The following TXNL4A variants were observed in gnomAD, a reference collection of about 807,000 sequenced individuals.
TXNL4A encodes the protein thioredoxin like 4A.
In TXNL4A, 17 loss-of-function variants were observed where a neutral mutation model predicts 14.6. The observed-to-expected ratio is 1.16, with a 90% CI of 0.80 to 1.74. TXNL4A has a LOEUF of 1.74. Ranked by LOEUF, TXNL4A falls within the 40% of genes most tolerant of loss-of-function variation. The pLI, the probability that TXNL4A is intolerant of heterozygous loss-of-function variation, is 0.00. For synonymous variants in TXNL4A, 83 were observed against 70.6 expected, an observed-to-expected ratio of 1.18 and a Z score of -0.88; for missense variants, 74 against 195.2, an observed-to-expected ratio of 0.38 and a Z score of 3.70.
intron 1 of TXNL4A, among the ~76,000 whole-genome samples, chr18:80,020,587 CTTTT>C (rs973496085): frequency 6.6e-6 from 1 of 152,174 alleles, no homozygotes; most frequent in African/African-American, 2.4e-5. Flanking sequence ...TATTCCCTTT[CTTTT>C]TGAGACATAA....
At chr18:80,024,170 G>C (rs1333532393) in intron 1 of TXNL4A, among the ~76,000 whole-genome samples, 1 of 150,650 alleles carries the variant, frequency 6.6e-6, no homozygotes, top group African/African-American at 2.4e-5. Flanking sequence ...GGGGGGGTCT[G>C]AGGTTTATTC....
intron 1 of TXNL4A, among the ~76,000 whole-genome samples, chr18:80,030,004 C>T (rs570307563): frequency 4.8e-4 from 73 of 152,292 alleles, no homozygotes; most frequent in Non-Finnish European, 9.3e-4. Flanking sequence ...CCTTCAACCC[C>T]AATGGAAGGG....
chr18:79,990,519 A>G (rs2051619883), upstream of TXNL4A, among the ~76,000 whole-genome samples: 1 of 152,188 alleles, frequency 6.6e-6, no homozygotes, highest in Non-Finnish European at 1.5e-5. Context: ...GAGAAATCTG[A>G]GCCCTTACTA....
At chr18:79,989,207 C>T (rs2051605864), upstream of TXNL4A, among the ~76,000 whole-genome samples, 1 of 152,118 alleles carries the variant, frequency 6.6e-6, no homozygotes, top group Non-Finnish European at 1.5e-5. Context: ...CTCCGCCTCC[C>T]GGGGTCAAGC....
In TXNL4A at chr18:79,988,255, G is replaced by A. The variant is rs771857627; in HGVS notation, c.138C>T (p.Tyr46=). 4.4e-6 allele frequency: 7 copies of A among 1,597,080 alleles called. No individual in the cohort carries two copies. Among genetic ancestry groups the A allele is most frequent in the South Asian group, 1.1e-5 (1 of 89,556 alleles). The change falls in exon 1 of 3, where the codon TAC becomes TAT. Residue 46 remains tyrosine, a synonymous_variant. Coordinates refer to ENST00000269601, the MANE Select transcript of TXNL4A (RefSeq NM_006701.5). ...GGCGCGCTACCTTCTCGGCGATGCT[G>A]TACAGGACCTCGTCCATCTTCATGC... ...PTCMKMDEVL[Y]SIAEKVKNFA... is the part of the protein sequence containing the mutation.
chr18:79,973,518 T>C lies in TXNL4A; in HGVS notation c.*167A>G, dbSNP rs532581068. The C allele has an allele frequency of 5.2e-6, 4 of 763,040 alleles. No individual in the cohort carries two copies. The highest frequency in any genetic ancestry group is 3.0e-5 in the East Asian group (1 of 33,870). 47.3% of individuals were successfully genotyped at this position (763,040 alleles called of 1,614,324 possible). On this transcript the variant is annotated 3_prime_UTR_variant, in exon 3 of 3. Transcript: ENST00000269601. ...GAACAAACAAGTAGGCCTGCTCCTC[T>C]CACCACGTGCTTGTTTATTTCGGTG...
At chr18:79,993,428 T>A (rs2145096736), upstream of TXNL4A, among the ~76,000 whole-genome samples, 2 of 152,372 alleles carry the variant, frequency 1.3e-5, no homozygotes, top group Middle Eastern at 3.4e-3. The surrounding 1 kb of genome is among the most constrained non-coding windows in gnomAD (Gnocchi z 4.4). Context: ...CTTGGGCTCC[T>A]ATCACTAGGT....
intron 1 of TXNL4A, among the ~76,000 whole-genome samples, chr18:80,029,108 C>T (rs1178443082): frequency 1.3e-5 from 2 of 152,178 alleles, no homozygotes; most frequent in African/African-American, 4.8e-5. Flanking sequence ...CAGGGAGACA[C>T]TTTTCTCCCG....
At chr18:80,006,609 A>C (rs1032819175) in intron 1 of TXNL4A, among the ~76,000 whole-genome samples, 2 of 152,172 alleles carry the variant, frequency 1.3e-5, no homozygotes, top group Non-Finnish European at 2.9e-5. Context: ...AAGCGGTGTC[A>C]TTTGTCTGGG....
rs1220826338 is a variant in TXNL4A at position 79,982,617 on chromosome 18, G to A, written c.154-4916C>T. Among the ~76,000 whole-genome samples the A allele has an allele frequency of 2.6e-5, 4 of 152,306 alleles. No homozygotes were observed. The East Asian group carries it at 7.7e-4, about 29-fold the overall frequency. ...GGAGCTGTGCCGAGTGCCCCAGAGAGGTTACCAGAAAGGACGATATGGGAA... is the reference window on the plus strand; with the variant it reads ...GGAGCTGTGCCGAGTGCCCCAGAGAAGTTACCAGAAAGGACGATATGGGAA... On this transcript the variant is annotated intron_variant, in intron 1 of 2. Transcript: ENST00000269601. The surrounding 1 kb of genome is among the most constrained non-coding windows in gnomAD (Gnocchi z 4.0).
intron 1 of TXNL4A, among the ~76,000 whole-genome samples, chr18:80,016,419 A>G (rs1026620953): frequency 6.6e-5 from 10 of 151,156 alleles, no homozygotes; most frequent in African/African-American, 9.7e-5. Context: ...TTGGTGTTTT[A>G]GACATGAAGT....
intron 1 of TXNL4A, among the ~76,000 whole-genome samples, chr18:79,996,533 C>T (rs2051663705): frequency 6.6e-6 from 1 of 152,158 alleles, no homozygotes; most frequent in African/African-American, 2.4e-5. Flanking sequence ...GCCCTGCAGC[C>T]CCGTCAATCT....
Position 79,998,896 on chromosome 18 carries a change from G to A in TXNL4A, c.-60-21195C>T, listed in dbSNP as rs182744490. On this transcript the variant is annotated intron_variant, in intron 1 of 2. Transcript: ENST00000585474. ...TTCTGATGACTGACTTCTCACCCCA[G>A]GACAGACCTACAAGAGATGCCACTG... Among the ~76,000 whole-genome samples the A allele has an allele frequency of 3.0e-3, 463 of 152,202 alleles. 4 individuals carry two copies. Among genetic ancestry groups the A allele is most frequent in the African/African-American group, 0.01 (418 of 41,518 alleles).
chr18:80,001,780 A>T (rs1303086778), intron 1 of TXNL4A, among the ~76,000 whole-genome samples: 2 of 152,164 alleles, frequency 1.3e-5, no homozygotes, highest in Non-Finnish European at 2.9e-5. Flanking sequence ...CCCCCATTGT[A>T]TCTAGGAAGT....
rs2051309735 is a variant in TXNL4A at position 79,972,202 on chromosome 18, T to G, written c.*1483A>C. ...CCACGTGCTTCTGCGTCCACATCTGTGTGCAGGGCAGACACTATTATCCGC... is the reference window on the plus strand; with the variant it reads ...CCACGTGCTTCTGCGTCCACATCTGGGTGCAGGGCAGACACTATTATCCGC... On this transcript the variant is annotated 3_prime_UTR_variant, in exon 3 of 3. Coordinates refer to ENST00000269601, the MANE Select transcript of TXNL4A (RefSeq NM_006701.5). 1 of 152,248 alleles carries G rather than the reference T, an allele frequency of 6.6e-6. No homozygotes were observed. Among genetic ancestry groups the G allele is most frequent in the Non-Finnish European group, 1.5e-5 (1 of 68,054 alleles). 9.4% of individuals were successfully genotyped at this position (152,248 alleles called of 1,614,324 possible).
Position 79,972,208 on chromosome 18 carries a change from G to C in TXNL4A, c.*1477C>G, listed in dbSNP as rs1200734802. On this transcript the variant is annotated 3_prime_UTR_variant, in exon 3 of 3. Coordinates refer to ENST00000269601, the MANE Select transcript of TXNL4A (RefSeq NM_006701.5). ...GCTTCTGCGTCCACATCTGTGTGCAGGGCAGACACTATTATCCGCCTTTAC... is the reference window on the plus strand; with the variant it reads ...GCTTCTGCGTCCACATCTGTGTGCACGGCAGACACTATTATCCGCCTTTAC... 4 of 152,246 alleles carry C rather than the reference G, an allele frequency of 2.6e-5. No homozygotes were observed. The highest frequency in any genetic ancestry group is 9.6e-5 in the African/African-American group (4 of 41,462). The allele number at this position is 152,246 out of a possible 1,614,324, so 9.4% of individuals were successfully genotyped here. A position where few individuals can be genotyped will look rare whatever the true frequency, so the allele number is the denominator to read the frequency against.
At chr18:79,976,625 G>A in intron 2 of TXNL4A, 2 of 319,118 alleles carry the variant, frequency 6.3e-6, no homozygotes, top group South Asian at 4.8e-5. Flanking sequence ...GCTCAGAAAA[G>A]CGGGGTGATT....
In TXNL4A at chr18:79,974,269, A is replaced by G. The variant is rs184833993; in HGVS notation, c.258-413T>C. Among the ~76,000 whole-genome samples, 25 of 152,362 alleles carry G rather than the reference A, an allele frequency of 1.6e-4. No homozygotes were observed. In the East Asian group the frequency reaches 4.6e-3, roughly 28 times the overall value. On this transcript the variant is annotated intron_variant, in intron 2 of 2. Coordinates refer to ENST00000269601, the MANE Select transcript of TXNL4A (RefSeq NM_006701.5). Reference sequence around the variant, plus strand: ...TCTAATTTGTACTAATTTACCTGATAAAAGCAATGTGTAAGTTTTTCACAG... The same window carrying G: ...TCTAATTTGTACTAATTTACCTGATGAAAGCAATGTGTAAGTTTTTCACAG...
intron 1 of TXNL4A, among the ~76,000 whole-genome samples, chr18:80,027,670 T>C (rs2051893738): frequency 1.3e-5 from 2 of 152,206 alleles, no homozygotes; most frequent in African/African-American, 4.8e-5. Context: ...ATTCAGTATG[T>C]AGGTGACCTT....
Sources: gnomAD v4.1 joint callset for allele counts (sites outside exome capture counted in the v4.1 genomes callset) on GRCh38, gnomAD v4.1.1 for gene constraint, Gnocchi (gnomAD v3.1) non-coding constraint, MANE v1.5 for transcripts, NCBI Gene and HGNC (gene_info 2026-07-23, HGNC 2026-07-21) for gene names.